HPSE2: variants seen among roughly 807,000 people sequenced by gnomAD.
The protein encoded by HPSE2 is inactive heparanase-2.
In HPSE2, 38 loss-of-function variants were observed where a neutral mutation model predicts 60.5. That is an observed-to-expected ratio of 0.63 (90% CI 0.48 to 0.82). The LOEUF is 0.82. HPSE2 is among the 40% of genes least tolerant of loss of function. The probability of loss-of-function intolerance (pLI) is 0.00; values close to 1 mark genes in which losing one functional copy is unlikely to be tolerated. For missense variants in HPSE2, 713 were observed against 740.4 expected (o/e 0.96, Z 0.43); for synonymous variants, 295 against 293.2 (o/e 1.01, Z -0.06).
intron 3 of HPSE2, among the ~76,000 whole-genome samples, chr10:98,800,887 T>C (rs1480081769): frequency 6.6e-6 from 1 of 152,158 alleles, no homozygotes; most frequent in Admixed American, 6.5e-5. Context: ...AGGCTAGTGA[T>C]ACCCTGATAG....
intron 3 of HPSE2, among the ~76,000 whole-genome samples, chr10:99,029,354 A>G (rs1251893733): frequency 6.6e-6 from 1 of 152,228 alleles, no homozygotes; most frequent in Non-Finnish European, 1.5e-5. Flanking sequence ...TGCGGTGACG[A>G]GAGAGTGTAG....
intron 2 of HPSE2, among the ~76,000 whole-genome samples, chr10:99,188,426 T>C (rs761407203): frequency 2.0e-5 from 3 of 152,182 alleles, no homozygotes; most frequent in Non-Finnish European, 2.9e-5. Context: ...TACCTAATAA[T>C]GTTGACCAAT....
intron 7 of HPSE2, among the ~76,000 whole-genome samples, chr10:98,629,923 A>G (rs1946316058): frequency 6.6e-6 from 1 of 152,236 alleles, no homozygotes; most frequent in African/African-American, 2.4e-5. Context: ...ACTGGGGAAA[A>G]AAAGCTAAGG....
At chr10:98,772,379 G>A (rs1180405820) in intron 3 of HPSE2, among the ~76,000 whole-genome samples, 1 of 152,196 alleles carries the variant, frequency 6.6e-6, no homozygotes, top group Non-Finnish European at 1.5e-5. Context: ...TCCTTTGCTA[G>A]TTAGTCCCTG....
At chr10:98,763,781 GAA>G (rs56892977) in intron 3 of HPSE2, among the ~76,000 whole-genome samples, 2 of 140,620 alleles carry the variant, frequency 1.4e-5, no homozygotes, top group Admixed American at 7.1e-5. Flanking sequence ...ATTTTCAGAT[GAA>G]AAAAAAAAAA....
At chr10:99,017,601 T>C (rs1281725916) in intron 3 of HPSE2, among the ~76,000 whole-genome samples, 1 of 152,174 alleles carries the variant, frequency 6.6e-6, no homozygotes, top group East Asian at 1.9e-4. Flanking sequence ...GTAGAATTAG[T>C]ACCAGTTCTT....
chr10:98,465,414 C>A (rs1302522120), intron 11 of HPSE2, among the ~76,000 whole-genome samples: 8 of 152,180 alleles, frequency 5.3e-5, no homozygotes, highest in African/African-American at 1.9e-4. Context: ...AGTGGTAGAG[C>A]TGAGATTTGC....
chr10:99,204,953 T>A (rs912388558), intron 2 of HPSE2, among the ~76,000 whole-genome samples: 8 of 152,206 alleles, frequency 5.3e-5, no homozygotes, highest in Non-Finnish European at 1.2e-4. Flanking sequence ...CAACAACATG[T>A]ATAGAGCTGA....
chr10:98,623,534 C>T (rs1398047705), intron 7 of HPSE2, among the ~76,000 whole-genome samples: 1 of 151,980 alleles, frequency 6.6e-6, no homozygotes, highest in Non-Finnish European at 1.5e-5. Context: ...TAAAAGAACA[C>T]ATTAACAAAA....
Position 98,693,901 on chromosome 10 carries a change from G to T in HPSE2, c.1003C>A (p.His335Asn), listed in dbSNP as rs1191993874. ...AGAGCAAAAATGGTGAATACCTACT[G>T]TTGCCAGGTAACTGCATCTACTGTA... ...GSTVDAVTWQHCYIDGRVVKV... is the reference protein window; with the variant it reads ...GSTVDAVTWQNCYIDGRVVKV... The change falls in exon 6 of 12, where the codon CAT becomes AAT. Residue 335 changes from histidine (H) to asparagine (N), a missense_variant and splice_region_variant. Coordinates refer to ENST00000370552, the MANE Select transcript of HPSE2 (RefSeq NM_021828.5). 2 of 1,611,368 alleles carry T rather than the reference G, an allele frequency of 1.2e-6. No homozygotes were observed. Among genetic ancestry groups the T allele is most frequent in the Non-Finnish European group, 1.7e-6 (2 of 1,177,480 alleles).
the HPSE2 span, among the ~76,000 whole-genome samples, chr10:99,285,903 G>A: frequency 1.3e-5 from 2 of 152,090 alleles, no homozygotes; most frequent in East Asian, 3.9e-4. Flanking sequence ...CCAGCCTGGG[G>A]AATAGAGCAA....
intron 7 of HPSE2, among the ~76,000 whole-genome samples, chr10:98,623,130 A>G (rs1014363310): frequency 3.3e-5 from 5 of 152,298 alleles, no homozygotes; most frequent in Middle Eastern, 3.4e-3. Flanking sequence ...AGTTAGAGAA[A>G]GGAGCTTTGG....
chr10:98,739,027 G>A (rs998205665), intron 4 of HPSE2, among the ~76,000 whole-genome samples: 3 of 152,190 alleles, frequency 2.0e-5, no homozygotes, highest in Non-Finnish European at 2.9e-5. Flanking sequence ...GCACACGTAT[G>A]TTTATTGCAG....
At chr10:99,022,598 C>A (rs1191771533) in intron 3 of HPSE2, among the ~76,000 whole-genome samples, 1 of 152,072 alleles carries the variant, frequency 6.6e-6, no homozygotes, top group South Asian at 2.1e-4. Flanking sequence ...CCCTTCCTTC[C>A]ACTTGAGGAG....
At chr10:98,745,301 C>T (rs541869357) in intron 3 of HPSE2, among the ~76,000 whole-genome samples, 31 of 152,266 alleles carry the variant, frequency 2.0e-4, no homozygotes, top group African/African-American at 7.2e-4. Context: ...TATCCCATTC[C>T]TTCATTTCTA....
In HPSE2 at chr10:99,206,453, G is replaced by T. The variant is rs574409061; in HGVS notation, c.448+25895C>A. ...CAATGTCTACAAAAAATTAGCCGGG[G>T]GTGGTGGCATGCGCTATGGTCTCAG... On this transcript the variant is annotated intron_variant, in intron 2 of 11. Coordinates refer to ENST00000370552, the MANE Select transcript of HPSE2 (RefSeq NM_021828.5). Among the ~76,000 whole-genome samples the T allele has an allele frequency of 2.6e-5, 4 of 151,948 alleles. No homozygotes were observed. The East Asian group carries it at 7.8e-4, about 30-fold the overall frequency.
rs1491321207 is a variant in HPSE2, at chr10:98,567,751, G to GTA, written c.1320+47152_1320+47153insTA. Among the ~76,000 whole-genome samples, 14 of 6,146 alleles carry GTA rather than the reference G, an allele frequency of 2.3e-3. 1 individual carries two copies. Among genetic ancestry groups the GTA allele is most frequent in the African/African-American group, 2.7e-3 (14 of 5,204 alleles). 4.0% of individuals were successfully genotyped at this position (6,146 alleles called of 152,430 possible). ...TCGTGTTTCTCTACAAATGGATGGT[G>GTA]TGTGTGTGTGTGTGTGTGTGTATAC... is the stretch of plus-strand genomic sequence containing the variant. On this transcript the variant is annotated intron_variant, in intron 9 of 11. Transcript: ENST00000370552.
rs531721304 is a variant in HPSE2, at chr10:99,094,540, A to ATTTT, written c.610+49694_610+49697dup. 6.8e-4 allele frequency among the ~76,000 whole-genome samples: 18 copies of ATTTT among 26,614 alleles called. 3 individuals carry two copies. The highest frequency in any genetic ancestry group is 1.4e-3 in the African/African-American group (8 of 5,856). The allele number at this position is 26,614 out of a possible 152,430, so 17.5% of individuals were successfully genotyped here. On this transcript the variant is annotated intron_variant, in intron 3 of 11. Transcript: ENST00000370552. ...CATATATATATATATATATATATAT[A>ATTTT]TTTTTTTTTTTTTTTTTTTTTTTTT...
At chr10:98,641,039 A>G (rs1946624592) in intron 7 of HPSE2, among the ~76,000 whole-genome samples, 1 of 152,204 alleles carries the variant, frequency 6.6e-6, no homozygotes, top group African/African-American at 2.4e-5. Flanking sequence ...CAATTGCTTA[A>G]TATAATATAG....
Sources: allele counts gnomAD v4.1 joint callset (sites outside exome capture counted in the v4.1 genomes callset), GRCh38; gene constraint gnomAD v4.1.1; transcripts MANE v1.5; gene names NCBI Gene and HGNC (gene_info 2026-07-23, HGNC 2026-07-21).